The following MGAT4C variants were observed in gnomAD, a reference collection of about 807,000 sequenced individuals.
MGAT4C encodes the protein alpha-1,3-mannosyl-glycoprotein 4-beta-N-acetylglucosaminyltransferase C.
In MGAT4C, 19 loss-of-function variants were observed where a neutral mutation model predicts 40.1. The ratio of observed to expected loss-of-function variants is 0.47; its 90% CI spans 0.33 to 0.70. The LOEUF (loss-of-function observed/expected upper bound fraction) is 0.70. Among genes scored for constraint, MGAT4C ranks in the 30% least tolerant of loss-of-function variants. The pLI, the probability that MGAT4C is intolerant of heterozygous loss-of-function variation, is 0.02. For synonymous variants in MGAT4C, 181 were observed against 187.1 expected, an observed-to-expected ratio of 0.97 and a Z score of 0.27; for missense variants, 491 against 563.2, an observed-to-expected ratio of 0.87 and a Z score of 1.30.
chr12:86,775,724 A>G (rs191984907), intron 1 of MGAT4C, among the ~76,000 whole-genome samples: 8 of 151,934 alleles, frequency 5.3e-5, no homozygotes, highest in Non-Finnish European at 7.4e-5. Context: ...AAGAAAAAGG[A>G]TAATGGTGCT....
At position 85,979,103 on chromosome 12, in the gene MGAT4C, C is replaced by T. The variant is rs547766766; in HGVS notation, c.*186G>A. ...CTATAGACTGATATTCAACTTCAGACGTTAAAATAAATACAAGTGTGTATT... is the reference window on the plus strand; with the variant it reads ...CTATAGACTGATATTCAACTTCAGATGTTAAAATAAATACAAGTGTGTATT... On this transcript the variant is annotated 3_prime_UTR_variant, in exon 5 of 5. Coordinates refer to ENST00000611864, the MANE Select transcript of MGAT4C (RefSeq NM_001351288.2). 4.1e-5 allele frequency: 19 copies of T among 458,078 alleles called. No individual in the cohort carries two copies. Among genetic ancestry groups the T allele is most frequent in the East Asian group, 6.6e-5 (2 of 30,446 alleles). The allele number at this position is 458,078 out of a possible 1,614,324, so 28.4% of individuals were successfully genotyped here. A position where few individuals can be genotyped will look rare whatever the true frequency, so the allele number is the denominator to read the frequency against.
At chr12:86,101,283 C>G (rs1460663315) in intron 1 of MGAT4C, among the ~76,000 whole-genome samples, 1 of 151,712 alleles carries the variant, frequency 6.6e-6, no homozygotes, top group African/African-American at 2.4e-5. Flanking sequence ...AATGAAAGAA[C>G]TCATGTGAAC....
chr12:86,779,079 G>A (rs755913820), intron 1 of MGAT4C, among the ~76,000 whole-genome samples: 19 of 151,010 alleles, frequency 1.3e-4, no homozygotes, highest in African/African-American at 2.4e-5. Context: ...GCCAGAAAAC[G>A]CACAGCTGGT....
At chr12:86,291,150 A>T (rs1278634495) in intron 4 of MGAT4C, among the ~76,000 whole-genome samples, 1 of 152,208 alleles carries the variant, frequency 6.6e-6, no homozygotes, top group Non-Finnish European at 1.5e-5. Flanking sequence ...CAAAGAAATG[A>T]AACATAGTTG....
In MGAT4C at chr12:86,525,103, T is replaced by C. The variant is rs35147009; in HGVS notation, c.-228-89838A>G. Among the ~76,000 whole-genome samples, 1,387 of 152,320 alleles carry C rather than the reference T, an allele frequency of 9.1e-3. 8 individuals carry two copies. The highest frequency in any genetic ancestry group is 0.013 in the African/African-American group (557 of 41,572). On this transcript the variant is annotated intron_variant, in intron 2 of 7. Transcript: ENST00000548651. ...ATATGGTTTGGCTCTGTGGACCCAC[T>C]CAAACCTCATCTTGAATTGTAATCT...
At chr12:86,156,362 G>T (rs1303971278) in intron 1 of MGAT4C, among the ~76,000 whole-genome samples, 1 of 152,130 alleles carries the variant, frequency 6.6e-6, no homozygotes, top group African/African-American at 2.4e-5. Flanking sequence ...TGCTCTTGTT[G>T]TCCAGGCTGG....
At chr12:86,725,028 T>TA (rs1950799177) in intron 2 of MGAT4C, among the ~76,000 whole-genome samples, 1 of 152,234 alleles carries the variant, frequency 6.6e-6, no homozygotes, top group Non-Finnish European at 1.5e-5. Context: ...TCTGTCCATT[T>TA]AAAATAATCA....
At chr12:86,017,133 A>G (rs1404312791) in intron 2 of MGAT4C, among the ~76,000 whole-genome samples, 1 of 152,166 alleles carries the variant, frequency 6.6e-6, no homozygotes, top group Non-Finnish European at 1.5e-5. Context: ...AAACATTTAA[A>G]AAAAACGTAT....
At chr12:86,495,706 T>C (rs1172583007) in intron 2 of MGAT4C, among the ~76,000 whole-genome samples, 1 of 152,022 alleles carries the variant, frequency 6.6e-6, no homozygotes, top group Non-Finnish European at 1.5e-5. Flanking sequence ...AACTGATGCT[T>C]ACAGTTGTTT....
At chr12:86,023,787 A>G (rs1240118948) in intron 2 of MGAT4C, among the ~76,000 whole-genome samples, 6 of 151,828 alleles carry the variant, frequency 4.0e-5, no homozygotes, top group Admixed American at 2.0e-4. Context: ...TGGAGTCTAC[A>G]AGAATAATTA....
At chr12:86,289,305 T>C (rs1443501915) in intron 4 of MGAT4C, among the ~76,000 whole-genome samples, 1 of 152,202 alleles carries the variant, frequency 6.6e-6, no homozygotes, top group Non-Finnish European at 1.5e-5. Flanking sequence ...TTTTGGTTAC[T>C]GTTGCCTTGT....
chr12:86,076,556 G>T (rs922854304), intron 1 of MGAT4C, among the ~76,000 whole-genome samples: 1 of 151,988 alleles, frequency 6.6e-6, no homozygotes, highest in Non-Finnish European at 1.5e-5. Context: ...AGAAAAAGAG[G>T]TTTAGTTGGA....
In MGAT4C at chr12:85,980,071, A is replaced by G. The variant is rs1241862131; in HGVS notation, c.655T>C (p.Tyr219His). ...LLNFCANTSD[Y>H]YVMLEDDVRC... ...ACATCATCTTCAAGCATTACATAAT[A>G]GTCTGAAGTATTGGCACAAAAATTA... Residue 219 changes from tyrosine to histidine, a missense_variant, in exon 5 of 5, where the codon TAT becomes CAT. Tyr to His is a moderately conservative substitution (Grantham distance 83, BLOSUM62 2). Coordinates refer to ENST00000611864, the MANE Select transcript of MGAT4C (RefSeq NM_001351288.2). The G allele has an allele frequency of 6.2e-7, 1 of 1,613,784 alleles. No individual in the cohort carries two copies. The highest frequency in any genetic ancestry group is 2.2e-5 in the East Asian group (1 of 44,872).
chr12:86,071,090 T>C (rs1868368821), intron 1 of MGAT4C, among the ~76,000 whole-genome samples: 1 of 152,040 alleles, frequency 6.6e-6, no homozygotes, highest in Non-Finnish European at 1.5e-5. Flanking sequence ...ATGGACAATA[T>C]GACATGGTAA....
Position 85,991,499 on chromosome 12 carries a change from A to ACTGTCCATAGTGTCCAGGC in MGAT4C, c.-6-1966_-6-1948dup, listed in dbSNP as rs1247845269. On this transcript the variant is annotated intron_variant, in intron 2 of 4. Coordinates refer to ENST00000611864, the MANE Select transcript of MGAT4C (RefSeq NM_001351288.2). ...CCCAGAAGTCTGTCTGCCTCCCACT[A>ACTGTCCATAGTGTCCAGGC]CTGTCCATAGTGTCCAGGCTGCTTG... Among the ~76,000 whole-genome samples the ACTGTCCATAGTGTCCAGGC allele has an allele frequency of 2.0e-5, 3 of 152,046 alleles. No homozygotes were observed. The East Asian group carries it at 5.9e-4, about 30-fold the overall frequency.
At chr12:86,168,607 T>A (rs1178533139) in intron 1 of MGAT4C, among the ~76,000 whole-genome samples, 1 of 152,142 alleles carries the variant, frequency 6.6e-6, no homozygotes. Context: ...TAATTCTGAA[T>A]TTTCCTGTTC....
intron 1 of MGAT4C, among the ~76,000 whole-genome samples, chr12:86,145,154 C>T (rs1883349458): frequency 6.6e-6 from 1 of 152,148 alleles, no homozygotes; most frequent in African/African-American, 2.4e-5. Flanking sequence ...ATCTCTAAAA[C>T]TTATATCGCT....
chr12:86,124,815 A>C (rs1261656151), intron 1 of MGAT4C, among the ~76,000 whole-genome samples: 2 of 152,158 alleles, frequency 1.3e-5, no homozygotes, highest in African/African-American at 4.8e-5. Flanking sequence ...AATTTTACCA[A>C]GCATGGAGAA....
intron 2 of MGAT4C, among the ~76,000 whole-genome samples, chr12:86,505,488 G>C (rs572502505): frequency 3.9e-4 from 60 of 152,172 alleles, no homozygotes; most frequent in Non-Finnish European, 7.6e-4. Context: ...ACCAGAGTCA[G>C]CACAAATGTC....
Sources: gnomAD v4.1 joint callset for allele counts (sites outside exome capture counted in the v4.1 genomes callset) on GRCh38, gnomAD v4.1.1 for gene constraint, MANE v1.5 for transcripts, NCBI Gene and HGNC (gene_info 2026-07-23, HGNC 2026-07-21) for gene names.